FAM78B: variants seen among roughly 807,000 people sequenced by gnomAD.
The protein encoded by FAM78B is protein FAM78B.
Under a neutral mutation model 20.0 loss-of-function variants are expected in FAM78B, and 10 were observed. That is an observed-to-expected ratio of 0.50 (90% CI 0.31 to 0.85). The LOEUF is 0.85. Ranked by LOEUF, FAM78B falls within the 40% of genes least tolerant of loss-of-function variation. The pLI, the probability that FAM78B is intolerant of heterozygous loss-of-function variation, is 0.05. For synonymous variants in FAM78B, 135 were observed against 132.8 expected (o/e 1.02, Z -0.12); for missense variants, 283 against 345.0 (o/e 0.82, Z 1.42).
chr1:166,125,823 C>T (rs575851742), intron 1 of FAM78B, among the ~76,000 whole-genome samples: 4 of 146,714 alleles, frequency 2.7e-5, no homozygotes, highest in East Asian at 4.0e-4. Context: ...TATTGTATTG[C>T]TACTTTGAAT....
intron 1 of FAM78B, among the ~76,000 whole-genome samples, chr1:166,144,305 T>C (rs1011216993): frequency 1.3e-5 from 2 of 151,470 alleles, no homozygotes; most frequent in Non-Finnish European, 2.9e-5. Context: ...GGGGGTGGTC[T>C]AGAAATGGGC....
intron 1 of FAM78B, among the ~76,000 whole-genome samples, chr1:166,114,694 A>G (rs1168139086): frequency 1.3e-5 from 2 of 152,198 alleles, no homozygotes; most frequent in Admixed American, 6.5e-5. Flanking sequence ...TCCCTGTGCT[A>G]GTTACCTCAG....
intron 1 of FAM78B, among the ~76,000 whole-genome samples, chr1:166,097,741 A>C (rs1653342678): frequency 6.6e-6 from 1 of 151,916 alleles, no homozygotes; most frequent in Middle Eastern, 3.2e-3. Flanking sequence ...GCTCAAGGAG[A>C]GTCTGAACTC....
chr1:166,090,039 G>T (rs149542450), intron 1 of FAM78B, among the ~76,000 whole-genome samples: 1 of 152,232 alleles, frequency 6.6e-6, no homozygotes, highest in Non-Finnish European at 1.5e-5. Flanking sequence ...AGCCAAACAG[G>T]AAGCCAATAA....
chr1:166,135,950 A>G (rs573097668), intron 1 of FAM78B, among the ~76,000 whole-genome samples: 9 of 152,226 alleles, frequency 5.9e-5, no homozygotes, highest in Non-Finnish European at 1.0e-4. Context: ...TTTTTGACAT[A>G]TTAACAAGAG....
At chr1:166,064,533 C>T (rs1651728444), downstream of FAM78B, among the ~76,000 whole-genome samples, 1 of 152,130 alleles carries the variant, frequency 6.6e-6, no homozygotes, top group South Asian at 2.1e-4. Flanking sequence ...TCTAGAGCTG[C>T]TTCCTGGAGT....
At chr1:166,110,822 TATA>T (rs1654025309) in intron 1 of FAM78B, among the ~76,000 whole-genome samples, 1 of 152,114 alleles carries the variant, frequency 6.6e-6, no homozygotes, top group South Asian at 2.1e-4. Context: ...AGGCAGAAGG[TATA>T]ATGAGATAAA....
intron 1 of FAM78B, among the ~76,000 whole-genome samples, chr1:166,089,965 T>C (rs1302705528): frequency 2.0e-5 from 3 of 152,178 alleles, no homozygotes. Context: ...TGAGCCACAC[T>C]GGGGCTCTTC....
At chr1:166,155,373 G>C (rs1010063699) in intron 1 of FAM78B, among the ~76,000 whole-genome samples, 1 of 152,150 alleles carries the variant, frequency 6.6e-6, no homozygotes, top group African/African-American at 2.4e-5. Flanking sequence ...ACCGCTGTAG[G>C]CCTCCGTTTC....
At chr1:166,123,647 A>T (rs886094933) in intron 1 of FAM78B, among the ~76,000 whole-genome samples, 2 of 152,280 alleles carry the variant, frequency 1.3e-5, no homozygotes, top group Admixed American at 1.3e-4. Context: ...TAAACAATGA[A>T]AGGATTTATT....
At chr1:166,153,680 G>T (rs1021933616) in intron 1 of FAM78B, among the ~76,000 whole-genome samples, 7 of 152,182 alleles carry the variant, frequency 4.6e-5, no homozygotes, top group Non-Finnish European at 1.0e-4. Context: ...GACTATGTAA[G>T]GGGGAGGTGG....
chr1:166,119,886 G>A (rs77490129), intron 1 of FAM78B, among the ~76,000 whole-genome samples: 4,138 of 152,284 alleles, frequency 0.027, 257 homozygotes, highest in Admixed American at 0.14. Context: ...ACACACGCCT[G>A]AATTTCAAGG....
At chr1:166,067,651 G>A (rs1651850525), downstream of FAM78B, among the ~76,000 whole-genome samples, 1 of 152,102 alleles carries the variant, frequency 6.6e-6, no homozygotes, top group South Asian at 2.1e-4. Flanking sequence ...GGAAGAAAAG[G>A]GGTCATTTCC....
At chr1:166,147,406 G>C (rs904271688) in intron 1 of FAM78B, among the ~76,000 whole-genome samples, 1 of 152,116 alleles carries the variant, frequency 6.6e-6, no homozygotes, top group Admixed American at 6.6e-5. Context: ...GACCTTCTTG[G>C]GGAACTGAGT....
intron 1 of FAM78B, among the ~76,000 whole-genome samples, chr1:166,152,849 TG>T (rs1381124542): frequency 2.6e-5 from 4 of 152,026 alleles, no homozygotes; most frequent in African/African-American, 9.7e-5. Flanking sequence ...AGCTAATTTT[TG>T]TATTTTTAGT....
At chr1:166,085,021 T>C (rs763726050) in intron 1 of FAM78B, among the ~76,000 whole-genome samples, 4 of 152,202 alleles carry the variant, frequency 2.6e-5, no homozygotes, top group African/African-American at 2.4e-5. Flanking sequence ...TTATTTCTTT[T>C]TACCTTATTT....
chr1:166,096,708 C>T (rs1653290509), intron 1 of FAM78B, among the ~76,000 whole-genome samples: 1 of 152,194 alleles, frequency 6.6e-6, no homozygotes, highest in Non-Finnish European at 1.5e-5. Context: ...CCCAGTTGGT[C>T]TTCCTCCCTG....
At chr1:166,148,825 A>C (rs1169649564) in intron 1 of FAM78B, among the ~76,000 whole-genome samples, 2 of 152,250 alleles carry the variant, frequency 1.3e-5, no homozygotes, top group African/African-American at 4.8e-5. Flanking sequence ...GGTTCCTCAC[A>C]TAAGTGATAA....
At chr1:166,143,241 A>T (rs1445506370) in intron 1 of FAM78B, among the ~76,000 whole-genome samples, 2 of 152,146 alleles carry the variant, frequency 1.3e-5, no homozygotes, top group Admixed American at 1.3e-4. Flanking sequence ...GGCCTAATTC[A>T]GACTGGGGGA....
Sources: gnomAD v4.1 joint callset for allele counts (sites outside exome capture counted in the v4.1 genomes callset) on GRCh38, gnomAD v4.1.1 for gene constraint, MANE v1.5 for transcripts, NCBI Gene and HGNC (gene_info 2026-07-23, HGNC 2026-07-21) for gene names.